The following SHANK2 variants were observed in gnomAD, a reference collection of about 807,000 sequenced individuals.
SHANK2 encodes SH3 and multiple ankyrin repeat domains 2.
A neutral mutation model predicts 133.7 loss-of-function variants in SHANK2; 43 were observed. The observed-to-expected ratio is 0.32, with a 90% CI of 0.25 to 0.41. SHANK2 has a LOEUF of 0.41. Ranked by LOEUF, SHANK2 falls within the 10% of genes least tolerant of loss-of-function variation. SHANK2 has a pLI of 1.00. For synonymous variants in SHANK2, 1,017 were observed against 952.8 expected (o/e 1.07, Z -1.24); for missense variants, 1,994 against 2,235.8 (o/e 0.89, Z 2.18).
rs7940660 is a variant in SHANK2 at position 70,474,320 on chromosome 11, T to G, written c.4980-881A>C. 8.8e-3 allele frequency: 1,333 copies of G among 152,324 alleles called. 23 individuals carry two copies. Among genetic ancestry groups the G allele is most frequent in the African/African-American group, 0.031 (1,290 of 41,530 alleles). 9.4% of individuals were successfully genotyped at this position (152,324 alleles called of 1,614,324 possible). ...GTCTTCCCCAGGGTGGCCATGGGCG[T>G]CCCCGAGGGTCCCCTGTGCCTTGCC... On this transcript the variant is annotated intron_variant, in intron 25 of 25. Coordinates refer to ENST00000601538, the MANE Select transcript of SHANK2 (RefSeq NM_012309.5).
intron 17 of SHANK2, among the ~76,000 whole-genome samples, chr11:70,607,044 C>T (rs191632124): frequency 1.6e-4 from 24 of 152,258 alleles, no homozygotes; most frequent in African/African-American, 4.8e-4. Flanking sequence ...TCCACATAGC[C>T]GGGGTCAGTG....
At chr11:70,820,237 G>C in intron 12 of SHANK2, 127 bp downstream of exon 12, 1 of 569,660 alleles carries the variant, frequency 1.8e-6, no homozygotes, top group Non-Finnish European at 3.1e-6. Flanking sequence ...AGGCATGAAA[G>C]TTTCCTCAAC....
intron 2 of SHANK2, among the ~76,000 whole-genome samples, chr11:71,207,577 CCTT>C (rs1268913114): frequency 2.0e-5 from 3 of 152,096 alleles, no homozygotes; most frequent in South Asian, 2.1e-4. Flanking sequence ...CTGATTTTTC[CCTT>C]CTTCTTTCCA....
chr11:70,857,751 G>A (rs926058298), intron 11 of SHANK2, among the ~76,000 whole-genome samples: 6 of 152,176 alleles, frequency 3.9e-5, no homozygotes, highest in African/African-American at 9.7e-5. Flanking sequence ...AAGAACTGAC[G>A]GCAGCCTTAG....
intron 3 of SHANK2, among the ~76,000 whole-genome samples, chr11:71,146,652 C>T (rs1374891544): frequency 5.9e-5 from 9 of 152,176 alleles, no homozygotes; most frequent in Admixed American, 3.9e-4. Context: ...CAGGGCTGTA[C>T]CCCCTGGAAG....
intron 9 of SHANK2, among the ~76,000 whole-genome samples, chr11:71,063,355 T>C (rs2135940107): frequency 6.6e-6 from 1 of 152,310 alleles, no homozygotes; most frequent in South Asian, 2.1e-4. Context: ...ATTTTGAAAT[T>C]CAAGGGTACA....
At chr11:71,126,198 C>T in intron 3 of SHANK2, among the ~76,000 whole-genome samples, 1 of 106,064 alleles carries the variant, frequency 9.4e-6, no homozygotes, top group South Asian at 3.4e-4. Flanking sequence ...AGCCTGGTGA[C>T]AGAGTGAGAC....
intron 21 of SHANK2, among the ~76,000 whole-genome samples, chr11:70,499,849 GAC>G (rs1273328380): frequency 6.6e-6 from 1 of 152,202 alleles, no homozygotes; most frequent in African/African-American, 2.4e-5. Flanking sequence ...ACATGATTGG[GAC>G]AGAGTTAAGA....
At chr11:70,920,954 C>T (rs1365430720) in intron 10 of SHANK2, among the ~76,000 whole-genome samples, 3 of 152,164 alleles carry the variant, frequency 2.0e-5, no homozygotes, top group African/African-American at 4.8e-5. Context: ...TAAACTTAGA[C>T]GTGGCCCTTA....
rs114177523 is a variant in SHANK2, at chr11:70,749,339, C to G, written c.1777+49104G>C. ...GTAGGACAGGCACAAAGGAGTGGAG[C>G]AAAAGCTTAAATGAGTGATCTGAGA... On this transcript the variant is annotated intron_variant, in intron 14 of 25. Coordinates refer to ENST00000601538, the MANE Select transcript of SHANK2 (RefSeq NM_012309.5). Among the ~76,000 whole-genome samples the G allele has an allele frequency of 2.1e-3, 321 of 152,320 alleles. 1 individual carries two copies. The highest frequency in any genetic ancestry group is 7.6e-3 in the African/African-American group (314 of 41,566).
intron 25 of SHANK2, among the ~76,000 whole-genome samples, chr11:70,481,176 C>T (rs1555151455): frequency 6.6e-6 from 1 of 152,208 alleles, no homozygotes; most frequent in Non-Finnish European, 1.5e-5. Flanking sequence ...TTTCAGATCA[C>T]CCTGGGAGAT....
intron 11 of SHANK2, among the ~76,000 whole-genome samples, chr11:70,848,196 A>C (rs1478376898): frequency 6.6e-6 from 1 of 152,254 alleles, no homozygotes; most frequent in African/African-American, 2.4e-5. Context: ...CTGCCTAAAA[A>C]AGAAGCCAGA....
chr11:71,223,357 C>T (rs915785273), intron 2 of SHANK2, among the ~76,000 whole-genome samples: 2 of 152,218 alleles, frequency 1.3e-5, no homozygotes, highest in Middle Eastern at 3.2e-3. Flanking sequence ...CTTCCATATG[C>T]GTGGCTTCAG....
chr11:70,561,029 A>G (rs2059903466), intron 17 of SHANK2, among the ~76,000 whole-genome samples: 1 of 152,246 alleles, frequency 6.6e-6, no homozygotes, highest in African/African-American at 2.4e-5. Context: ...ACACACACGA[A>G]GAACGGGTTT....
At chr11:70,883,206 C>T (rs144888781) in intron 11 of SHANK2, among the ~76,000 whole-genome samples, 26 of 152,270 alleles carry the variant, frequency 1.7e-4, no homozygotes, top group Admixed American at 9.2e-4. Flanking sequence ...GAGCACTGAG[C>T]ACTGAGCCCA....
chr11:70,779,226 C>T (rs1947431705), intron 14 of SHANK2, among the ~76,000 whole-genome samples: 3 of 151,386 alleles, frequency 2.0e-5, no homozygotes, highest in African/African-American at 7.3e-5. Flanking sequence ...TTCACGGCAG[C>T]GAGGCTCTGA....
chr11:70,509,768 T>A (rs1022602583), intron 17 of SHANK2, among the ~76,000 whole-genome samples: 1 of 152,210 alleles, frequency 6.6e-6, no homozygotes, highest in African/African-American at 2.4e-5. Flanking sequence ...ATGGGATTAG[T>A]GCCCTTATAA....
intron 11 of SHANK2, among the ~76,000 whole-genome samples, chr11:70,824,815 C>T (rs1452165915): frequency 6.6e-6 from 1 of 152,108 alleles, no homozygotes; most frequent in Non-Finnish European, 1.5e-5. Flanking sequence ...GGGGGCTGGG[C>T]GGGTGGATTA....
chr11:71,185,323 C>T (rs1391429579), intron 2 of SHANK2, among the ~76,000 whole-genome samples: 1 of 152,190 alleles, frequency 6.6e-6, no homozygotes, highest in Non-Finnish European at 1.5e-5. Context: ...GTCTACCCTC[C>T]CTACTCTCCA....
Sources: gnomAD v4.1 joint callset for allele counts (sites outside exome capture counted in the v4.1 genomes callset) on GRCh38, gnomAD v4.1.1 for gene constraint, MANE v1.5 for transcripts, NCBI Gene and HGNC (gene_info 2026-07-23, HGNC 2026-07-21) for gene names.